The following SRGAP1 variants were observed in gnomAD, a reference collection of about 807,000 sequenced individuals.
The protein encoded by SRGAP1 is SLIT-ROBO Rho GTPase activating protein 1, also known as SLIT-ROBO Rho GTPase-activating protein 1.
A neutral mutation model predicts 121.9 loss-of-function variants in SRGAP1; 43 were observed. The observed-to-expected ratio is 0.35, with a 90% CI of 0.28 to 0.46. The LOEUF (loss-of-function observed/expected upper bound fraction) is 0.46, where lower values mean the gene tolerates loss of function less well. Among genes scored for constraint, SRGAP1 ranks in the 20% least tolerant of loss-of-function variants. SRGAP1 has a pLI of 1.00. For synonymous variants in SRGAP1, 447 were observed against 485.4 expected (o/e 0.92, Z 1.04); for missense variants, 1,102 against 1,350.9 (o/e 0.82, Z 2.89).
At chr12:63,931,317 T>A (rs2031467887) in intron 1 of SRGAP1, among the ~76,000 whole-genome samples, 1 of 152,194 alleles carries the variant, frequency 6.6e-6, no homozygotes, top group Non-Finnish European at 1.5e-5. Context: ...TCTAAATGGA[T>A]TAAAATTGCC....
At chr12:64,059,376 T>G (rs138957521) in intron 6 of SRGAP1, among the ~76,000 whole-genome samples, 1 of 152,294 alleles carries the variant, frequency 6.6e-6, no homozygotes, top group African/African-American at 2.4e-5. Flanking sequence ...TTTTTCTGCC[T>G]TTTCCTTCTC....
Position 64,053,077 on chromosome 12 carries a change from A to C in SRGAP1, c.801+9502A>C, listed in dbSNP as rs573566414. Among the ~76,000 whole-genome samples the C allele has an allele frequency of 1.2e-4, 18 of 152,336 alleles. No individual in the cohort carries two copies. In the South Asian group the frequency reaches 3.7e-3, roughly 32 times the overall value. ...TATTGTACAGTCTGTTCTTGGAGGC[A>C]TACAGATGAATTGTTGGAGCAGAAA... On this transcript the variant is annotated intron_variant, in intron 6 of 21. Transcript: ENST00000355086.
At chr12:63,992,772 A>G (rs1045219091) in intron 3 of SRGAP1, among the ~76,000 whole-genome samples, 20 of 151,914 alleles carry the variant, frequency 1.3e-4, no homozygotes, top group African/African-American at 4.8e-4. Flanking sequence ...CTTGCTTGCT[A>G]CCAGGAGTTC....
intron 6 of SRGAP1, among the ~76,000 whole-genome samples, chr12:64,051,436 A>G (rs999864796): frequency 9.9e-5 from 15 of 152,174 alleles, no homozygotes; most frequent in African/African-American, 3.1e-4. Flanking sequence ...TCTGAGCTAT[A>G]ATTTACTTTT....
chr12:64,011,623 A>G (rs1342048667), intron 3 of SRGAP1, among the ~76,000 whole-genome samples: 1 of 152,172 alleles, frequency 6.6e-6, no homozygotes, highest in Non-Finnish European at 1.5e-5. Context: ...TAAATGATTG[A>G]CTAGTTGGTA....
chr12:64,016,746 G>T (rs1476363437), intron 3 of SRGAP1, among the ~76,000 whole-genome samples: 1 of 151,966 alleles, frequency 6.6e-6, no homozygotes, highest in Non-Finnish European at 1.5e-5. Context: ...TTCACCCATG[G>T]TTGTCACTTG....
Position 64,142,946 on chromosome 12 carries a change from A to G in SRGAP1, c.*274A>G, listed in dbSNP as rs2036991134. The G allele has an allele frequency of 3.6e-5, 15 of 418,636 alleles. No individual in the cohort carries two copies. In the South Asian group the frequency reaches 4.1e-4, roughly 11 times the overall value. 25.9% of individuals were successfully genotyped at this position (418,636 alleles called of 1,614,324 possible). On this transcript the variant is annotated 3_prime_UTR_variant, in exon 22 of 22. Transcript: ENST00000355086. ...ATCCAATGCTGCACCACTTGTAATGAAGGCAACACCGCTCTCCACATTGTA... is the reference window on the plus strand; with the variant it reads ...ATCCAATGCTGCACCACTTGTAATGGAGGCAACACCGCTCTCCACATTGTA...
chr12:63,980,047 CTTGAT>C (rs1269094069), intron 1 of SRGAP1, among the ~76,000 whole-genome samples: 1 of 152,070 alleles, frequency 6.6e-6, no homozygotes, highest in Non-Finnish European at 1.5e-5. Context: ...CATGGGCTTC[CTTGAT>C]TTGTTCTTTT....
rs931486080 is a variant in SRGAP1 at position 64,147,107 on chromosome 12, G to A, written c.*4435G>A. 5.8e-6 allele frequency: 1 copy of A among 172,788 alleles called. No individual in the cohort carries two copies. The highest frequency in any genetic ancestry group is 1.2e-5 in the Non-Finnish European group (1 of 82,294). The allele number at this position is 172,788 out of a possible 1,614,324, so 10.7% of individuals were successfully genotyped here. On this transcript the variant is annotated 3_prime_UTR_variant, in exon 22 of 22. Coordinates refer to ENST00000355086, the MANE Select transcript of SRGAP1 (RefSeq NM_020762.4). The stretch of plus-strand genomic sequence containing the variant: ...GTGATGGTTATTATAGATATTTAAA[G>A]TATAGTAAGTGGCTGTGTAACAGGA...
chr12:64,091,235 T>C, intron 11 of SRGAP1, 41 bp from the exon 12 acceptor site: 1 of 1,407,270 alleles, frequency 7.1e-7, no homozygotes, highest in Middle Eastern at 1.8e-4. Context: ...ATTTATTGTT[T>C]GATTTCTGCC....
chr12:63,884,691 C>T (rs533530408), intron 1 of SRGAP1, among the ~76,000 whole-genome samples: 369 of 151,758 alleles, frequency 2.4e-3, no homozygotes, highest in African/African-American at 8.5e-3. Flanking sequence ...CCCCTCTTCC[C>T]GCTTCCCAGT....
intron 1 of SRGAP1, among the ~76,000 whole-genome samples, chr12:63,860,845 A>T (rs1899419965): frequency 6.7e-6 from 1 of 149,562 alleles, no homozygotes; most frequent in Non-Finnish European, 1.5e-5. Flanking sequence ...TTTTTTAAAG[A>T]GAAAGGGTCT....
chr12:63,870,573 T>C (rs1899817224), intron 1 of SRGAP1, among the ~76,000 whole-genome samples: 1 of 149,428 alleles, frequency 6.7e-6, no homozygotes, highest in South Asian at 2.2e-4. Flanking sequence ...AGTCTTGCTC[T>C]GTTGCCCAGG....
chr12:63,932,440 C>T (rs998137902), intron 1 of SRGAP1, among the ~76,000 whole-genome samples: 1 of 152,152 alleles, frequency 6.6e-6, no homozygotes, highest in Non-Finnish European at 1.5e-5. Flanking sequence ...ATACAATATG[C>T]AGATATGGGT....
At chr12:63,960,966 A>G (rs1015386989) in intron 1 of SRGAP1, among the ~76,000 whole-genome samples, 2 of 152,236 alleles carry the variant, frequency 1.3e-5, no homozygotes, top group Non-Finnish European at 2.9e-5. Flanking sequence ...CTCCAGAACT[A>G]TAACAGAATA....
chr12:63,870,251 G>A (rs1899803174), intron 1 of SRGAP1, among the ~76,000 whole-genome samples: 1 of 152,116 alleles, frequency 6.6e-6, no homozygotes, highest in African/African-American at 2.4e-5. Flanking sequence ...TATTTGATGA[G>A]GAGACTCATG....
chr12:64,127,645 G>A lies in SRGAP1; in HGVS notation c.2461G>A (p.Gly821Arg), dbSNP rs2136638051. The A allele has an allele frequency of 3.7e-6, 6 of 1,614,080 alleles. No homozygotes were observed. Among genetic ancestry groups the A allele is most frequent in the Non-Finnish European group, 5.1e-6 (6 of 1,180,004 alleles). The change falls in exon 20 of 22, where the codon GGG (glycine) becomes AGG (arginine). Residue 821 changes from glycine (G) to arginine (R), a missense_variant. Physicochemically the swap from Gly to Arg is moderately radical, Grantham distance 125. Around this residue, in one of 3 missense-constraint regions of SRGAP1, gnomAD observed 40 missense variants for 78.4 expected, o/e 0.51. Coordinates refer to ENST00000355086, the MANE Select transcript of SRGAP1 (RefSeq NM_020762.4). The stretch of plus-strand genomic sequence containing the variant: ...AAAAGCCGACAGTGAGGCCAGCAGT[G>A]GGCCAGTCACGGAAGACAAGTCCTC... The part of the protein sequence containing the change: ...SQKADSEASS[G>R]PVTEDKSSSK...
Position 64,093,696 on chromosome 12 carries a change from A to T in SRGAP1, c.1540-1236A>T, listed in dbSNP as rs544647885. 8.5e-5 allele frequency among the ~76,000 whole-genome samples: 13 copies of T among 152,162 alleles called. No homozygotes were observed. In the East Asian group the frequency reaches 2.3e-3, roughly 27 times the overall value. On this transcript the variant is annotated intron_variant, in intron 12 of 21. Coordinates refer to ENST00000355086, the MANE Select transcript of SRGAP1 (RefSeq NM_020762.4). ...ACTAAAATGCGTTTTTATTCTTAAG[A>T]CTCTTCTTTAAGAAATTAATAAAAT...
In SRGAP1 at chr12:64,058,552, C is replaced by T. The variant is rs148006998; in HGVS notation, c.802-4365C>T. Among the ~76,000 whole-genome samples the T allele has an allele frequency of 1.1e-3, 174 of 152,260 alleles. 1 individual carries two copies. Among genetic ancestry groups the T allele is most frequent in the African/African-American group, 4.1e-3 (172 of 41,552 alleles). On this transcript the variant is annotated intron_variant, in intron 6 of 21. Transcript: ENST00000355086. The stretch of plus-strand genomic sequence containing the variant: ...CTTCTGTTTCCAACAGCCTTTTCTT[C>T]TCCAATTTTAATCCATAATTTTATG...
Sources: gnomAD v4.1 joint callset for allele counts (sites outside exome capture counted in the v4.1 genomes callset) on GRCh38, gnomAD v4.1.1 for gene constraint, gnomAD v4.1.1 regional missense constraint, MANE v1.5 for transcripts, NCBI Gene and HGNC (gene_info 2026-07-23, HGNC 2026-07-21) for gene names.